SPAG16: variants seen among roughly 807,000 people sequenced by gnomAD.
SPAG16 encodes sperm associated antigen 16.
SPAG16 carries 86 observed loss-of-function variants against 80.4 expected under a neutral mutation model. The observed-to-expected ratio is 1.07, with a 90% CI of 0.90 to 1.28. SPAG16 has a LOEUF of 1.28. SPAG16 is among the 50% of genes most tolerant of loss of function. The pLI, the probability that SPAG16 is intolerant of heterozygous loss-of-function variation, is 0.00. For missense variants in SPAG16, 870 were observed against 765.3 expected (o/e 1.14, Z -1.61); for synonymous variants, 294 against 265.9 (o/e 1.11, Z -1.03).
intron 15 of SPAG16, among the ~76,000 whole-genome samples, chr2:214,253,517 C>A (rs984506567): frequency 1.3e-5 from 2 of 152,128 alleles, no homozygotes; most frequent in Non-Finnish European, 2.9e-5. Context: ...CATTTTTCTG[C>A]ATATGGCTAG....
chr2:213,878,129 TTCTC>T (rs2076206518), intron 11 of SPAG16, among the ~76,000 whole-genome samples: 1 of 152,106 alleles, frequency 6.6e-6, no homozygotes, highest in Non-Finnish European at 1.5e-5. Flanking sequence ...TCATTTTGAA[TTCTC>T]TCTACCTTCT....
intron 15 of SPAG16, among the ~76,000 whole-genome samples, chr2:214,339,599 T>A (rs56896079): frequency 0.018 from 2,690 of 152,266 alleles, 78 homozygotes; most frequent in African/African-American, 0.061. Flanking sequence ...AGCTTTCTGC[T>A]CAGCTTGTAG....
rs151181492 is a variant in SPAG16 at position 214,116,999 on chromosome 2, A to G, written c.1593+8738A>G. On this transcript the variant is annotated intron_variant, in intron 14 of 15. Coordinates refer to ENST00000331683, the MANE Select transcript of SPAG16 (RefSeq NM_024532.5). ...ATATTCAGGGAAATGTTACCTTACC[A>G]AAGAGAGAAAATAAGGCACCAGACA... is the stretch of plus-strand genomic sequence containing the variant. Among the ~76,000 whole-genome samples, 27 of 152,310 alleles carry G rather than the reference A, an allele frequency of 1.8e-4. No homozygotes were observed. In the East Asian group the frequency reaches 5.2e-3, roughly 29 times the overall value.
intron 11 of SPAG16, among the ~76,000 whole-genome samples, chr2:213,887,466 A>T (rs189487177): frequency 1.1e-4 from 17 of 152,002 alleles, no homozygotes; most frequent in Admixed American, 1.1e-3. Flanking sequence ...GATTTCTGAG[A>T]TGAATAACAT....
chr2:213,707,498 G>C, intron 10 of SPAG16, among the ~76,000 whole-genome samples: 2 of 152,048 alleles, frequency 1.3e-5, no homozygotes, highest in African/African-American at 4.8e-5. Flanking sequence ...CTAACATCTT[G>C]TCTGTCTTAA....
intron 10 of SPAG16, among the ~76,000 whole-genome samples, chr2:213,792,493 T>C (rs1304078349): frequency 6.6e-6 from 1 of 152,050 alleles, no homozygotes; most frequent in African/African-American, 2.4e-5. Flanking sequence ...GTAAACATGT[T>C]CTCCTCTCAC....
chr2:213,330,050 T>C (rs1189788778), intron 5 of SPAG16, among the ~76,000 whole-genome samples: 2 of 152,204 alleles, frequency 1.3e-5, no homozygotes, highest in Non-Finnish European at 2.9e-5. Context: ...TTTTAAAAGA[T>C]GTATGGAAAC....
intron 15 of SPAG16, chr2:214,238,592 C>T (rs1027408958): frequency 1.3e-5 from 2 of 150,604 alleles, no homozygotes; most frequent in African/African-American, 4.9e-5. Context: ...GTTAAATTAA[C>T]ATTATTGCTG....
chr2:214,309,211 A>T (rs536458361), intron 15 of SPAG16, among the ~76,000 whole-genome samples: 180 of 151,720 alleles, frequency 1.2e-3, no homozygotes, highest in African/African-American at 4.3e-3. Context: ...TGCATTATGA[A>T]ATTCTTGTTT....
chr2:213,732,606 A>G (rs553359311), intron 10 of SPAG16, among the ~76,000 whole-genome samples: 1 of 152,264 alleles, frequency 6.6e-6, no homozygotes, highest in African/African-American at 2.4e-5. Context: ...TCTGTGAAAA[A>G]TGTCATGGTA....
chr2:213,301,109 A>G (rs866534442), intron 3 of SPAG16, among the ~76,000 whole-genome samples: 3 of 152,180 alleles, frequency 2.0e-5, no homozygotes, highest in South Asian at 4.1e-4. Flanking sequence ...CCATTATGTT[A>G]ACTCTCACAT....
intron 10 of SPAG16, among the ~76,000 whole-genome samples, chr2:213,845,700 C>T (rs765597670): frequency 1.3e-5 from 2 of 152,146 alleles, no homozygotes; most frequent in African/African-American, 2.4e-5. Context: ...GCCATAAAAC[C>T]TCAGTGGCAC....
chr2:214,101,015 A>G (rs1186011711), intron 13 of SPAG16, among the ~76,000 whole-genome samples: 1 of 152,178 alleles, frequency 6.6e-6, no homozygotes. Context: ...AAGGAAATTC[A>G]TAAGCATTAG....
chr2:213,926,953 A>G (rs2106231841), intron 11 of SPAG16, among the ~76,000 whole-genome samples: 1 of 152,342 alleles, frequency 6.6e-6, no homozygotes. Flanking sequence ...CCATAACAAA[A>G]TAACAGAGAC....
At chr2:214,108,462 C>A (rs904275851) in intron 14 of SPAG16, among the ~76,000 whole-genome samples, 24 of 98,512 alleles carry the variant, frequency 2.4e-4, no homozygotes, top group East Asian at 8.3e-4. Context: ...CACACACACA[C>A]ACACACACAC....
At chr2:213,530,429 A>G (rs1281519806) in intron 10 of SPAG16, among the ~76,000 whole-genome samples, 1 of 152,162 alleles carries the variant, frequency 6.6e-6, no homozygotes, top group Admixed American at 6.5e-5. Flanking sequence ...ATTGACTGAA[A>G]TGTCATTATG....
chr2:213,977,441 C>T (rs1472001710), intron 12 of SPAG16, among the ~76,000 whole-genome samples: 1 of 151,926 alleles, frequency 6.6e-6, no homozygotes, highest in Non-Finnish European at 1.5e-5. Context: ...TACTGCCCCC[C>T]CCATACCCAA....
At chr2:213,418,628 T>C (rs16850307) in intron 9 of SPAG16, among the ~76,000 whole-genome samples, 11,296 of 152,232 alleles carry the variant, frequency 0.074, 1,382 homozygotes, top group African/African-American at 0.25. Flanking sequence ...CTTTTGATCC[T>C]GGCACTACTC....
chr2:213,875,678 G>A (rs2076116338), intron 11 of SPAG16, among the ~76,000 whole-genome samples: 1 of 152,104 alleles, frequency 6.6e-6, no homozygotes, highest in South Asian at 2.1e-4. Context: ...AACATTTTCA[G>A]GATCTGAATA....
Sources: allele counts gnomAD v4.1 joint callset (sites outside exome capture counted in the v4.1 genomes callset), GRCh38; gene constraint gnomAD v4.1.1; transcripts MANE v1.5; gene names NCBI Gene and HGNC (gene_info 2026-07-23, HGNC 2026-07-21).